TMEM132C: variants seen among roughly 807,000 people sequenced by gnomAD.
TMEM132C encodes transmembrane protein 132C.
In TMEM132C, 29 loss-of-function variants were observed where a neutral mutation model predicts 61.4. That is an observed-to-expected ratio of 0.47 (90% confidence interval 0.35 to 0.64). The LOEUF is 0.64. TMEM132C is among the 30% of genes least tolerant of loss of function. The pLI is 0.00. For missense variants in TMEM132C, 1,408 were observed against 1,476.9 expected (o/e 0.95, Z 0.76); for synonymous variants, 656 against 633.1 (o/e 1.04, Z -0.54).
At chr12:128,621,141 C>A (rs73161924) in intron 4 of TMEM132C, among the ~76,000 whole-genome samples, 8,779 of 152,112 alleles carry the variant, frequency 0.058, 345 homozygotes, top group Middle Eastern at 0.085. Context: ...GAACTACAGC[C>A]CCCAGGCTCC....
chr12:128,456,346 A>T (rs1343984633), intron 2 of TMEM132C, among the ~76,000 whole-genome samples: 1 of 115,782 alleles, frequency 8.6e-6, no homozygotes, highest in Non-Finnish European at 1.8e-5. Flanking sequence ...CACAGACCTT[A>T]ATTCTATGGT....
rs78329968 is a variant in TMEM132C, at chr12:128,682,146, C to T, written c.1450-11683C>T. Among the ~76,000 whole-genome samples, 932 of 152,274 alleles carry T rather than the reference C, an allele frequency of 6.1e-3. 7 individuals carry two copies. Among genetic ancestry groups the T allele is most frequent in the African/African-American group, 0.02 (842 of 41,560 alleles). ...AGAAGCTCTGATTGGCTTAGGCCAT[C>T]GTCACATGATTTCACTCTTCTGGCT... On this transcript the variant is annotated intron_variant, in intron 5 of 8. Transcript: ENST00000435159.
At chr12:128,401,844 T>G (rs753157112) in intron 1 of TMEM132C, among the ~76,000 whole-genome samples, 25 of 152,234 alleles carry the variant, frequency 1.6e-4, no homozygotes, top group Admixed American at 1.2e-3. Context: ...GGCTGTGATC[T>G]CTACATGCCA....
chr12:128,490,810 C>T (rs929044018), intron 2 of TMEM132C, among the ~76,000 whole-genome samples: 8 of 152,140 alleles, frequency 5.3e-5, no homozygotes, highest in African/African-American at 1.4e-4. Context: ...GCATTGGTTT[C>T]GTAAAGAGAA....
rs182502618 is a variant in TMEM132C, at chr12:128,273,122, G to T, written c.85+5635G>T. ...AGGTCTTCTATATTCCTACTGATCT[G>T]TTTGTTCTGTCACTTATTGAGAGAA... On this transcript the variant is annotated intron_variant, in intron 1 of 8. Coordinates refer to ENST00000435159, the MANE Select transcript of TMEM132C (RefSeq NM_001136103.3). Among the ~76,000 whole-genome samples, 65 of 152,208 alleles carry T rather than the reference G, an allele frequency of 4.3e-4. 1 individual carries two copies. In the East Asian group the frequency reaches 0.01, roughly 23 times the overall value.
intron 2 of TMEM132C, among the ~76,000 whole-genome samples, chr12:128,516,055 T>G (rs908516305): frequency 2.6e-5 from 4 of 152,030 alleles, no homozygotes; most frequent in African/African-American, 9.7e-5. Flanking sequence ...GTGTTTCCAT[T>G]CAGAAGGAAG....
In TMEM132C at chr12:128,317,191, AT is replaced by A. The variant is rs555576136; in HGVS notation, c.85+49714del. Among the ~76,000 whole-genome samples the A allele has an allele frequency of 6.9e-4, 103 of 149,092 alleles. No homozygotes were observed. In the South Asian group the frequency reaches 0.017, roughly 24 times the overall value. On this transcript the variant is annotated intron_variant, in intron 1 of 8. Transcript: ENST00000435159. Reference sequence around the variant, plus strand: ...CTGCACCAAATGCAGTTCTGTACTCATTTTTTTTTTCCTAAGCAAAACTTTC... The same window carrying A: ...CTGCACCAAATGCAGTTCTGTACTCATTTTTTTTTCCTAAGCAAAACTTTC...
intron 1 of TMEM132C, among the ~76,000 whole-genome samples, chr12:128,366,263 C>T (rs1343155779): frequency 6.6e-6 from 1 of 152,216 alleles, no homozygotes; most frequent in African/African-American, 2.4e-5. Context: ...CTCCCCTGTC[C>T]CCTACCCGGT....
intron 4 of TMEM132C, among the ~76,000 whole-genome samples, chr12:128,625,888 G>A (rs895423209): frequency 1.3e-5 from 2 of 152,052 alleles, no homozygotes; most frequent in Non-Finnish European, 2.9e-5. Flanking sequence ...TGAATTTGGG[G>A]GACACAACCA....
chr12:128,333,130 TTA>T (rs1872702512), intron 1 of TMEM132C, among the ~76,000 whole-genome samples: 1 of 151,928 alleles, frequency 6.6e-6, no homozygotes, highest in African/African-American at 2.4e-5. Context: ...AGTGCTGTTT[TTA>T]TGTGTATGTG....
At chr12:128,534,280 C>T (rs758482021) in intron 2 of TMEM132C, among the ~76,000 whole-genome samples, 19 of 152,166 alleles carry the variant, frequency 1.2e-4, no homozygotes, top group South Asian at 2.1e-4. Context: ...TTGTAGATGG[C>T]GTGAGCCCCG....
intron 1 of TMEM132C, among the ~76,000 whole-genome samples, chr12:128,406,294 T>A (rs1412627368): frequency 6.6e-6 from 1 of 152,184 alleles, no homozygotes; most frequent in Non-Finnish European, 1.5e-5. Flanking sequence ...GGGCTATTGG[T>A]CAAACTTGAT....
intron 1 of TMEM132C, among the ~76,000 whole-genome samples, chr12:128,353,000 A>G (rs1045805831): frequency 7.9e-5 from 12 of 152,236 alleles, no homozygotes; most frequent in African/African-American, 2.9e-4. Flanking sequence ...AGTGCTCCAG[A>G]GAACATAGCC....
intron 6 of TMEM132C, 46 bp downstream of exon 6, chr12:128,694,080 T>C (rs1172721767): frequency 6.5e-7 from 1 of 1,535,926 alleles, no homozygotes; most frequent in South Asian, 1.2e-5. Flanking sequence ...ACAACAACTT[T>C]ATTTACTGAC....
intron 3 of TMEM132C, among the ~76,000 whole-genome samples, chr12:128,587,522 C>T (rs1192769459): frequency 3.3e-5 from 5 of 152,192 alleles, no homozygotes; most frequent in South Asian, 2.1e-4. Context: ...TGGATTTATC[C>T]GGGGGACAGT....
At chr12:128,579,491 C>T (rs1875251267) in intron 3 of TMEM132C, among the ~76,000 whole-genome samples, 1 of 152,214 alleles carries the variant, frequency 6.6e-6, no homozygotes, top group African/African-American at 2.4e-5. Context: ...CCCAGCTTCT[C>T]TTCTCAAATA....
At chr12:128,493,115 C>T (rs1432177103) in intron 2 of TMEM132C, among the ~76,000 whole-genome samples, 1 of 152,032 alleles carries the variant, frequency 6.6e-6, no homozygotes, top group Non-Finnish European at 1.5e-5. Context: ...GAATCCTTTC[C>T]CCATTTCTTG....
intron 8 of TMEM132C, among the ~76,000 whole-genome samples, chr12:128,700,170 A>G (rs12581842): frequency 0.028 from 4,210 of 152,150 alleles, 114 homozygotes; most frequent in East Asian, 0.13. Context: ...AGCTGACAGT[A>G]ATTGGTGTCC....
In TMEM132C at chr12:128,651,717, G is replaced by A. The variant is rs34826806; in HGVS notation, c.1306-17700G>A. Among the ~76,000 whole-genome samples the A allele has an allele frequency of 4.6e-5, 7 of 152,210 alleles. 1 individual carries two copies. The highest frequency in any genetic ancestry group is 3.9e-4 in the Admixed American group (6 of 15,298). On this transcript the variant is annotated intron_variant, in intron 4 of 8. Transcript: ENST00000435159. The stretch of plus-strand genomic sequence containing the variant: ...GAGACCATAGCAGGGAATGGGAATG[G>A]GGGGTGAAGGAAGGTGAGGGTGGAG...
Sources: gnomAD v4.1 joint callset for allele counts (sites outside exome capture counted in the v4.1 genomes callset) on GRCh38, gnomAD v4.1.1 for gene constraint, MANE v1.5 for transcripts, NCBI Gene and HGNC (gene_info 2026-07-23, HGNC 2026-07-21) for gene names.